CSMD1: variants seen among roughly 807,000 people sequenced by gnomAD.
CSMD1 encodes CUB and Sushi multiple domains 1.
A neutral mutation model predicts 417.5 loss-of-function variants in CSMD1; 213 were observed. That is an observed-to-expected ratio of 0.51 (90% CI 0.46 to 0.57). The LOEUF is 0.57. Among genes scored for constraint, CSMD1 ranks in the 20% least tolerant of loss-of-function variants. CSMD1 has a pLI of 0.00. For missense variants in CSMD1, 6,923 were observed against 4,529.7 expected (o/e 1.53, Z -15.17); for synonymous variants, 2,862 against 1,736.8 (o/e 1.65, Z -16.11).
rs1425657936 is a variant in CSMD1 at position 2,948,264 on chromosome 8, C to T, written c.10402+1035G>A. 2.6e-5 allele frequency among the ~76,000 whole-genome samples: 4 copies of T among 151,930 alleles called. No homozygotes were observed. In the East Asian group the frequency reaches 7.7e-4, roughly 29 times the overall value. On this transcript the variant is annotated intron_variant, in intron 68 of 69. Coordinates refer to ENST00000635120, the MANE Select transcript of CSMD1 (RefSeq NM_033225.6). Reference sequence around the variant, plus strand: ...CAATGCTTACGTGGCCTCTCAATCTCGTAACAACCTTGGGAACTTCTATAC... The same window carrying T: ...CAATGCTTACGTGGCCTCTCAATCTTGTAACAACCTTGGGAACTTCTATAC...
chr8:3,054,247 T>C (rs1004522504), intron 49 of CSMD1, among the ~76,000 whole-genome samples: 5 of 152,168 alleles, frequency 3.3e-5, no homozygotes, highest in Admixed American at 1.3e-4. Flanking sequence ...TATTCCCCAA[T>C]AAAATCCAAA....
At chr8:3,812,013 A>C (rs1016711116) in intron 5 of CSMD1, among the ~76,000 whole-genome samples, 5 of 150,914 alleles carry the variant, frequency 3.3e-5, no homozygotes, top group African/African-American at 1.2e-4. Context: ...ACCATTTACT[A>C]ATCTTCTTAT....
intron 3 of CSMD1, among the ~76,000 whole-genome samples, chr8:4,394,501 T>A (rs1429795480): frequency 6.6e-6 from 1 of 152,254 alleles, no homozygotes; most frequent in Admixed American, 6.5e-5. Flanking sequence ...CCTCTGGGTG[T>A]GAATGAGTGA....
chr8:4,126,266 G>T (rs1018843248), intron 3 of CSMD1, among the ~76,000 whole-genome samples: 1 of 152,122 alleles, frequency 6.6e-6, no homozygotes. Context: ...GACCGGCTCT[G>T]CATGAATCAC....
intron 1 of CSMD1, among the ~76,000 whole-genome samples, chr8:4,774,293 T>A (rs1012591073): frequency 6.6e-6 from 1 of 152,204 alleles, no homozygotes; most frequent in Non-Finnish European, 1.5e-5. Flanking sequence ...GTTTGAATCT[T>A]ACTTTCCTGA....
At chr8:4,072,769 G>A (rs553315070) in intron 3 of CSMD1, among the ~76,000 whole-genome samples, 1 of 152,142 alleles carries the variant, frequency 6.6e-6, no homozygotes, top group Non-Finnish European at 1.5e-5. Flanking sequence ...TCCTTCACAT[G>A]GAGCCTCACA....
At position 4,140,909 on chromosome 8, in the gene CSMD1, G is replaced by A. The variant is rs535415982; in HGVS notation, c.416-108810C>T. 2.3e-4 allele frequency among the ~76,000 whole-genome samples: 35 copies of A among 151,138 alleles called. 2 individuals carry two copies. The highest frequency in any genetic ancestry group is 7.7e-4 in the African/African-American group (31 of 40,510). ...GCCAATGCACAGGCTCAGTAGGGCC[G>A]ACTTACTGCTAACAAAAACTTCAAC... On this transcript the variant is annotated intron_variant, in intron 3 of 69. Coordinates refer to ENST00000635120, the MANE Select transcript of CSMD1 (RefSeq NM_033225.6).
chr8:3,505,591 G>C (rs1464440896), intron 10 of CSMD1, among the ~76,000 whole-genome samples: 1 of 152,140 alleles, frequency 6.6e-6, no homozygotes, highest in South Asian at 2.1e-4. Flanking sequence ...GAAGAATTCT[G>C]TACACAAACC....
intron 47 of CSMD1, among the ~76,000 whole-genome samples, chr8:3,092,894 G>A (rs1396918508): frequency 7.3e-6 from 1 of 137,318 alleles, no homozygotes; most frequent in Non-Finnish European, 1.7e-5. Context: ...CTGGGAGAAT[G>A]CAGCTCTCAT....
intron 1 of CSMD1, among the ~76,000 whole-genome samples, chr8:4,735,345 C>A (rs1016257728): frequency 1.3e-5 from 2 of 152,144 alleles, no homozygotes; most frequent in South Asian, 2.1e-4. Flanking sequence ...GGATCTAAAC[C>A]TGGATTTTCT....
intron 30 of CSMD1, among the ~76,000 whole-genome samples, chr8:3,209,859 T>C (rs1312405500): frequency 6.6e-6 from 1 of 152,316 alleles, no homozygotes; most frequent in East Asian, 1.9e-4. Context: ...AATTAGAATA[T>C]ATACATCTCG....
At chr8:4,041,441 C>G (rs944748649) in intron 3 of CSMD1, among the ~76,000 whole-genome samples, 2 of 152,184 alleles carry the variant, frequency 1.3e-5, no homozygotes, top group African/African-American at 4.8e-5. Context: ...TTTCGTGCCT[C>G]AACCTACATC....
At chr8:3,397,694 C>A (rs554229532) in intron 16 of CSMD1, among the ~76,000 whole-genome samples, 1 of 152,308 alleles carries the variant, frequency 6.6e-6, no homozygotes, top group East Asian at 1.9e-4. Flanking sequence ...TTGACATAGT[C>A]ATGCTGAAGT....
intron 3 of CSMD1, among the ~76,000 whole-genome samples, chr8:4,056,298 G>A (rs542863676): frequency 5.8e-4 from 88 of 151,462 alleles, no homozygotes; most frequent in Non-Finnish European, 8.0e-4. Flanking sequence ...GGCCTGGCTC[G>A]TCTCAAACTC....
intron 3 of CSMD1, among the ~76,000 whole-genome samples, chr8:4,050,806 C>A (rs1798385451): frequency 6.6e-6 from 1 of 152,126 alleles, no homozygotes; most frequent in South Asian, 2.1e-4. Flanking sequence ...GGTGAATTTA[C>A]CATCTTTATC....
At chr8:4,849,835 T>G (rs1184999654) in intron 1 of CSMD1, among the ~76,000 whole-genome samples, 1 of 152,210 alleles carries the variant, frequency 6.6e-6, no homozygotes, top group Non-Finnish European at 1.5e-5. Flanking sequence ...TCAGAATATT[T>G]CCTCATTGTT....
chr8:3,972,353 T>G (rs935785319), intron 5 of CSMD1, among the ~76,000 whole-genome samples: 1 of 152,204 alleles, frequency 6.6e-6, no homozygotes, highest in Non-Finnish European at 1.5e-5. Context: ...AAAATATCAT[T>G]TAATTTTTGC....
chr8:3,507,126 T>A (rs1471920235), intron 10 of CSMD1, among the ~76,000 whole-genome samples: 2 of 152,216 alleles, frequency 1.3e-5, no homozygotes, highest in Non-Finnish European at 2.9e-5. Context: ...AGAAATTGAA[T>A]AAACAGAATT....
At chr8:4,890,122 G>A (rs1188656659) in intron 1 of CSMD1, among the ~76,000 whole-genome samples, 2 of 152,052 alleles carry the variant, frequency 1.3e-5, no homozygotes, top group Non-Finnish European at 2.9e-5. Flanking sequence ...TTTTATGATG[G>A]CCTCTAGAAA....
Sources: gnomAD v4.1 joint callset for allele counts (sites outside exome capture counted in the v4.1 genomes callset) on GRCh38, gnomAD v4.1.1 for gene constraint, MANE v1.5 for transcripts, NCBI Gene and HGNC (gene_info 2026-07-23, HGNC 2026-07-21) for gene names.